KIAA1217: variants seen among roughly 807,000 people sequenced by gnomAD.
KIAA1217 encodes the protein sickle tail protein homolog.
Under a neutral mutation model 163.9 loss-of-function variants are expected in KIAA1217, and 88 were observed. The observed-to-expected ratio is 0.54, with a 90% CI of 0.45 to 0.64. KIAA1217 has a LOEUF of 0.64. KIAA1217 is among the 30% of genes least tolerant of loss of function. The probability of loss-of-function intolerance (pLI) is 0.00; values close to 1 mark genes in which losing one functional copy is unlikely to be tolerated. For synonymous variants in KIAA1217, 903 were observed against 923.1 expected (o/e 0.98, Z 0.39); for missense variants, 2,372 against 2,475.0 (o/e 0.96, Z 0.88).
At chr10:23,798,394 T>A (rs1337325678) in intron 1 of KIAA1217, among the ~76,000 whole-genome samples, 1 of 152,222 alleles carries the variant, frequency 6.6e-6, no homozygotes, top group Non-Finnish European at 1.5e-5. Flanking sequence ...ACATTCTGTG[T>A]CCTCCTCCAT....
chr10:24,120,631 A>G (rs1369948236), intron 2 of KIAA1217, among the ~76,000 whole-genome samples: 1 of 152,222 alleles, frequency 6.6e-6, no homozygotes, highest in Non-Finnish European at 1.5e-5. Context: ...TAACCAGTTA[A>G]GAAAATGCTC....
At chr10:23,876,123 A>T (rs1484704340) in intron 1 of KIAA1217, among the ~76,000 whole-genome samples, 1 of 151,834 alleles carries the variant, frequency 6.6e-6, no homozygotes, top group Admixed American at 6.6e-5. Context: ...AAAATGAGAC[A>T]TATACACCGT....
At chr10:23,719,609 A>AATAAATAAATAAACAAACAAAC (rs1750501826) in intron 1 of KIAA1217, among the ~76,000 whole-genome samples, 1 of 151,658 alleles carries the variant, frequency 6.6e-6, no homozygotes, top group African/African-American at 2.4e-5. Flanking sequence ...TAAATAAATA[A>AATAAATAAATAAACAAACAAAC]AAAGGAAGAA....
intron 2 of KIAA1217, among the ~76,000 whole-genome samples, chr10:24,262,766 G>A (rs1029450750): frequency 6.6e-6 from 1 of 151,888 alleles, no homozygotes; most frequent in African/African-American, 2.4e-5. Flanking sequence ...CCAACATGGC[G>A]AAACCTCATC....
At chr10:24,074,410 CT>C (rs1013708598) in intron 2 of KIAA1217, among the ~76,000 whole-genome samples, 29 of 152,156 alleles carry the variant, frequency 1.9e-4, no homozygotes, top group African/African-American at 6.5e-4. Context: ...TTAAAACGTG[CT>C]TTTGGTGTTG....
intron 1 of KIAA1217, among the ~76,000 whole-genome samples, chr10:23,991,527 A>G (rs888671262): frequency 3.3e-5 from 5 of 152,198 alleles, no homozygotes; most frequent in African/African-American, 1.2e-4. Flanking sequence ...GCTGTGGTTC[A>G]GAAAAGGGAG....
chr10:24,139,567 C>G (rs2063969002), intron 2 of KIAA1217, among the ~76,000 whole-genome samples: 1 of 152,100 alleles, frequency 6.6e-6, no homozygotes, highest in Non-Finnish European at 1.5e-5. Context: ...AGTAAGGGCA[C>G]AAGTTTGATG....
chr10:23,898,120 T>G (rs1841785545), intron 1 of KIAA1217, among the ~76,000 whole-genome samples: 2 of 151,970 alleles, frequency 1.3e-5, no homozygotes, highest in Non-Finnish European at 2.9e-5. Flanking sequence ...TACTCATATT[T>G]TACTGAACAA....
intron 5 of KIAA1217, among the ~76,000 whole-genome samples, chr10:24,467,537 G>T (rs924221303): frequency 6.6e-6 from 1 of 152,154 alleles, no homozygotes; most frequent in Non-Finnish European, 1.5e-5. Context: ...TATCTGTGTT[G>T]TATTCAGATA....
chr10:23,927,356 G>GTGTGTA (rs1174230391), intron 1 of KIAA1217, among the ~76,000 whole-genome samples: 1 of 151,624 alleles, frequency 6.6e-6, no homozygotes, highest in African/African-American at 2.4e-5. Context: ...GTGTGTGTGT[G>GTGTGTA]TGTGGCCAAA....
intron 1 of KIAA1217, among the ~76,000 whole-genome samples, chr10:23,865,319 C>T (rs1350812702): frequency 6.6e-6 from 1 of 152,012 alleles, no homozygotes; most frequent in African/African-American, 2.4e-5. Context: ...TATTAATTTC[C>T]CAGACTGTGG....
At chr10:24,317,482 T>C (rs1183881222) in intron 2 of KIAA1217, among the ~76,000 whole-genome samples, 1 of 151,706 alleles carries the variant, frequency 6.6e-6, no homozygotes, top group Admixed American at 6.6e-5. Flanking sequence ...TTCAAAGGAG[T>C]GTCACGATGG....
At chr10:24,094,458 C>T (rs2062067461) in intron 2 of KIAA1217, among the ~76,000 whole-genome samples, 1 of 152,182 alleles carries the variant, frequency 6.6e-6, no homozygotes, top group Non-Finnish European at 1.5e-5. Context: ...CAGACAGGAC[C>T]CTCAGCTGCA....
intron 1 of KIAA1217, among the ~76,000 whole-genome samples, chr10:23,945,905 T>A (rs1228198966): frequency 6.6e-6 from 1 of 152,128 alleles, no homozygotes; most frequent in Non-Finnish European, 1.5e-5. Context: ...TCTATATATA[T>A]CCTTCTACCT....
chr10:24,061,330 T>C (rs2060713842), intron 2 of KIAA1217, among the ~76,000 whole-genome samples: 1 of 152,218 alleles, frequency 6.6e-6, no homozygotes, highest in Non-Finnish European at 1.5e-5. Flanking sequence ...AATTTTTATC[T>C]ATTTATATTG....
chr10:23,827,250 G>A (rs1487707940), intron 1 of KIAA1217, among the ~76,000 whole-genome samples: 1 of 152,148 alleles, frequency 6.6e-6, no homozygotes, highest in East Asian at 1.9e-4. Context: ...TTTTAAAGCT[G>A]ATTCCAGTAA....
At chr10:23,914,212 A>T (rs1842551117) in intron 1 of KIAA1217, among the ~76,000 whole-genome samples, 1 of 152,138 alleles carries the variant, frequency 6.6e-6, no homozygotes, top group Non-Finnish European at 1.5e-5. Context: ...ACTCACCTTT[A>T]GAGGCAGAGT....
chr10:24,462,555 T>G (rs2062520726), intron 5 of KIAA1217, among the ~76,000 whole-genome samples: 1 of 152,212 alleles, frequency 6.6e-6, no homozygotes, highest in Admixed American at 6.5e-5. Flanking sequence ...TTAGCAGCTA[T>G]GGGAAGCTGG....
At chr10:24,061,460 A>T (rs975797663) in intron 2 of KIAA1217, among the ~76,000 whole-genome samples, 1 of 152,138 alleles carries the variant, frequency 6.6e-6, no homozygotes, top group African/African-American at 2.4e-5. Context: ...TCTCTATTTG[A>T]CTATATATTT....
Sources: allele counts gnomAD v4.1 joint callset (sites outside exome capture counted in the v4.1 genomes callset), GRCh38; gene constraint gnomAD v4.1.1; transcripts MANE v1.5; gene names NCBI Gene and HGNC (gene_info 2026-07-23, HGNC 2026-07-21).